Variants in HMCN1 observed in about 807,000 individuals in gnomAD.
The protein encoded by HMCN1 is hemicentin-1.
In HMCN1, 321 loss-of-function variants were observed where a neutral mutation model predicts 625.9. The observed-to-expected ratio is 0.51, with a 90% CI of 0.47 to 0.56. The LOEUF is 0.56. Ranked by LOEUF, HMCN1 falls within the 20% of genes least tolerant of loss-of-function variation. The pLI, the probability that HMCN1 is intolerant of heterozygous loss-of-function variation, is 0.00. For missense variants in HMCN1, 6,588 were observed against 6,887.3 expected (o/e 0.96, Z 1.54); for synonymous variants, 2,425 against 2,417.6 (o/e 1.00, Z -0.09).
intron 3 of HMCN1, among the ~76,000 whole-genome samples, chr1:185,865,224 A>G (rs1012455547): frequency 6.6e-6 from 1 of 152,148 alleles, no homozygotes; most frequent in Non-Finnish European, 1.5e-5. Context: ...TGTCCTTCTC[A>G]TGGCCATGGC....
At chr1:186,112,712 A>T in intron 71 of HMCN1, 100 bp from the exon 72 acceptor site, 1 of 1,382,810 alleles carries the variant, frequency 7.2e-7, no homozygotes, top group South Asian at 1.2e-5. Flanking sequence ...GACAGACAGC[A>T]GGTCCACAGT....
At chr1:185,921,197 T>C (rs1338912468) in intron 6 of HMCN1, among the ~76,000 whole-genome samples, 1 of 152,202 alleles carries the variant, frequency 6.6e-6, no homozygotes, top group Admixed American at 6.5e-5. Context: ...TGAGCCATAG[T>C]AACTAGCTGC....
At chr1:185,863,441 A>G (rs1662995690) in intron 2 of HMCN1, among the ~76,000 whole-genome samples, 1 of 152,218 alleles carries the variant, frequency 6.6e-6, no homozygotes, top group South Asian at 2.1e-4. Context: ...ACCATTTATA[A>G]TGGAGAAGTA....
intron 24 of HMCN1, among the ~76,000 whole-genome samples, chr1:185,996,234 A>G (rs149166094): frequency 0.011 from 1,745 of 152,278 alleles, 17 homozygotes; most frequent in Middle Eastern, 0.062. Flanking sequence ...GGGACATGTC[A>G]GTTGAGATTT....
At chr1:186,075,412 C>A (rs1658750647) in intron 53 of HMCN1, among the ~76,000 whole-genome samples, 1 of 151,932 alleles carries the variant, frequency 6.6e-6, no homozygotes, top group African/African-American at 2.4e-5. Context: ...AAAATAAAAA[C>A]AAGCAAACAA....
chr1:185,935,200 C>T (rs1667748725), intron 11 of HMCN1, among the ~76,000 whole-genome samples: 1 of 151,564 alleles, frequency 6.6e-6, no homozygotes, highest in African/African-American at 2.4e-5. Flanking sequence ...AAAATAAAAT[C>T]AGAGCCTTCC....
chr1:185,850,444 T>C (rs1023438108), intron 2 of HMCN1, among the ~76,000 whole-genome samples: 27 of 152,188 alleles, frequency 1.8e-4, no homozygotes, highest in Non-Finnish European at 3.1e-4. Context: ...TGAAAATACC[T>C]ACCTTGTCAA....
At position 186,089,471 on chromosome 1, in the gene HMCN1, C is replaced by CA. The variant is rs1277061572; in HGVS notation, c.9727+723dup. Among the ~76,000 whole-genome samples the CA allele has an allele frequency of 9.9e-5, 15 of 151,848 alleles. No individual in the cohort carries two copies. The East Asian group carries it at 2.3e-3, about 24-fold the overall frequency. ...TTGTGTGCTCTGCTAAAGCTAACTC[C>CA]AAAAAAATACAATTAGAAGAATTAA... On this transcript the variant is annotated intron_variant, in intron 63 of 106. Coordinates refer to ENST00000271588, the MANE Select transcript of HMCN1 (RefSeq NM_031935.3).
chr1:185,752,018 A>G (rs1205571150), intron 1 of HMCN1, among the ~76,000 whole-genome samples: 1 of 152,076 alleles, frequency 6.6e-6, no homozygotes, highest in African/African-American at 2.4e-5. Flanking sequence ...TGCATCTTGA[A>G]CAGGGAGTCT....
At chr1:186,136,547 G>A (rs1649615868) in intron 86 of HMCN1, 121 bp from the exon 87 acceptor site, 1 of 864,940 alleles carries the variant, frequency 1.2e-6, no homozygotes, top group Non-Finnish European at 1.9e-6. Flanking sequence ...TAGTTGGGAA[G>A]CAACAGTGTT....
chr1:186,105,046 G>T (rs1056997337), intron 69 of HMCN1, among the ~76,000 whole-genome samples: 6 of 152,132 alleles, frequency 3.9e-5, no homozygotes, highest in Admixed American at 3.9e-4. Context: ...AAAAAGTCGA[G>T]TTATAAGAAA....
chr1:185,903,147 T>G (rs542133450), intron 4 of HMCN1, among the ~76,000 whole-genome samples: 1 of 152,014 alleles, frequency 6.6e-6, no homozygotes, highest in African/African-American at 2.4e-5. Context: ...GATAAATTAA[T>G]GAAATATACC....
chr1:185,892,294 G>A (rs537863429), intron 4 of HMCN1, among the ~76,000 whole-genome samples: 2 of 151,736 alleles, frequency 1.3e-5, no homozygotes, highest in African/African-American at 4.9e-5. Context: ...ATCATCTGAA[G>A]CCTTCTTCTC....
chr1:185,885,552 G>A (rs905182493), intron 4 of HMCN1, among the ~76,000 whole-genome samples: 1 of 150,294 alleles, frequency 6.7e-6, no homozygotes, highest in South Asian at 2.1e-4. Context: ...CCACTAGTAT[G>A]ATTGCACTAC....
At chr1:185,841,409 C>T (rs2102309198) in intron 1 of HMCN1, among the ~76,000 whole-genome samples, 1 of 152,236 alleles carries the variant, frequency 6.6e-6, no homozygotes, top group African/African-American at 2.4e-5. Flanking sequence ...ATTTTGGTTA[C>T]ATAGGAAACT....
At position 185,951,785 on chromosome 1, in the gene HMCN1, T is replaced by A. The variant is rs371824948; in HGVS notation, c.1829-10733T>A. ...AGCAAGCTCCTGGGGGAGGAGGTTC[T>A]GGAGGAACGCCTGGCTGCTGCGGTT... is the stretch of plus-strand genomic sequence containing the variant. On this transcript the variant is annotated intron_variant, in intron 11 of 106. Coordinates refer to ENST00000271588, the MANE Select transcript of HMCN1 (RefSeq NM_031935.3). 8.1e-3 allele frequency among the ~76,000 whole-genome samples: 1,163 copies of A among 144,380 alleles called. 15 individuals are homozygous for A. The highest frequency in any genetic ancestry group is 0.021 in the African/African-American group (746 of 35,156). 94.7% of individuals were successfully genotyped at this position (144,380 alleles called of 152,430 possible).
At chr1:186,083,568 G>T (rs1183507510) in intron 57 of HMCN1, among the ~76,000 whole-genome samples, 2 of 150,024 alleles carry the variant, frequency 1.3e-5, no homozygotes, top group East Asian at 3.9e-4. Context: ...TGAGATGCTG[G>T]TGCCTCCAGA....
intron 1 of HMCN1, among the ~76,000 whole-genome samples, chr1:185,766,590 A>G (rs1180324699): frequency 6.6e-6 from 1 of 152,172 alleles, no homozygotes; most frequent in Non-Finnish European, 1.5e-5. Flanking sequence ...GTTTTAGCCA[A>G]TCACTGGTGT....
chr1:186,129,868 C>T, intron 83 of HMCN1, 98 bp from the exon 84 acceptor site: 2 of 1,440,612 alleles, frequency 1.4e-6, no homozygotes, highest in Non-Finnish European at 1.9e-6. Context: ...GGTTCAATTG[C>T]TGACCAACTC....
Sources: gnomAD v4.1 joint callset for allele counts (sites outside exome capture counted in the v4.1 genomes callset) on GRCh38, gnomAD v4.1.1 for gene constraint, MANE v1.5 for transcripts, NCBI Gene and HGNC (gene_info 2026-07-23, HGNC 2026-07-21) for gene names.